TCERG1L: variants seen among roughly 807,000 people sequenced by gnomAD.
The protein encoded by TCERG1L is transcription elongation regulator 1-like protein.
Under a neutral mutation model 56.3 loss-of-function variants are expected in TCERG1L, and 37 were observed. That is an observed-to-expected ratio of 0.66 (90% CI 0.51 to 0.87). The LOEUF is 0.87. Ranked by LOEUF, TCERG1L falls within the 40% of genes least tolerant of loss-of-function variation. The pLI is 0.00. For missense variants in TCERG1L, 799 were observed against 774.2 expected (o/e 1.03, Z -0.38); for synonymous variants, 324 against 326.3 (o/e 0.99, Z 0.08).
At chr10:131,290,390 A>AG (rs1293110380) in intron 3 of TCERG1L, among the ~76,000 whole-genome samples, 3 of 152,068 alleles carry the variant, frequency 2.0e-5, no homozygotes, top group Non-Finnish European at 2.9e-5. Flanking sequence ...CCAGCACTTT[A>AG]GGAGGCTGAG....
At chr10:131,157,044 T>A (rs993306156) in intron 6 of TCERG1L, among the ~76,000 whole-genome samples, 2 of 152,246 alleles carry the variant, frequency 1.3e-5, no homozygotes, top group East Asian at 1.9e-4. Context: ...CCCTGGCTTC[T>A]GGGCTAGGCA....
intron 4 of TCERG1L, among the ~76,000 whole-genome samples, chr10:131,229,452 A>G (rs1845826564): frequency 6.6e-6 from 1 of 152,234 alleles, no homozygotes; most frequent in Non-Finnish European, 1.5e-5. Context: ...GCCCACATAT[A>G]GGTCTCCGAA....
intron 8 of TCERG1L, among the ~76,000 whole-genome samples, chr10:131,130,373 C>T (rs1447585502): frequency 3.3e-5 from 5 of 152,182 alleles, no homozygotes; most frequent in Non-Finnish European, 5.9e-5. Flanking sequence ...GGTGGGGACA[C>T]AGCCAAACCA....
At chr10:131,105,291 T>C (rs1392992096) in intron 9 of TCERG1L, among the ~76,000 whole-genome samples, 1 of 152,202 alleles carries the variant, frequency 6.6e-6, no homozygotes, top group Non-Finnish European at 1.5e-5. Context: ...GTGGCCGTGG[T>C]CGGCTGGCTG....
intron 7 of TCERG1L, among the ~76,000 whole-genome samples, chr10:131,138,621 A>T (rs138705528): frequency 5.3e-4 from 81 of 152,358 alleles, no homozygotes; most frequent in African/African-American, 1.8e-3. Flanking sequence ...TGTAAAAATT[A>T]ATGCAAACGG....
intron 7 of TCERG1L, among the ~76,000 whole-genome samples, chr10:131,138,700 T>C (rs2133408096): frequency 6.6e-6 from 1 of 152,366 alleles, no homozygotes; most frequent in Admixed American, 6.5e-5. Flanking sequence ...GTTGTGACAC[T>C]GCTTCATCAT....
At chr10:131,180,958 C>A (rs61864072) in intron 4 of TCERG1L, among the ~76,000 whole-genome samples, 69,468 of 151,558 alleles carry the variant, frequency 0.46, 18,951 homozygotes, top group South Asian at 0.69. Flanking sequence ...GAAGGGAAGT[C>A]GCATCCCTGG....
chr10:131,134,931 C>T (rs1341152071), intron 7 of TCERG1L, among the ~76,000 whole-genome samples: 1 of 152,222 alleles, frequency 6.6e-6, no homozygotes, highest in Non-Finnish European at 1.5e-5. Flanking sequence ...CCCTACCCCA[C>T]ATGTGGCCAT....
At chr10:131,121,627 C>T (rs1845513846) in intron 8 of TCERG1L, among the ~76,000 whole-genome samples, 1 of 152,254 alleles carries the variant, frequency 6.6e-6, no homozygotes, top group South Asian at 2.1e-4. Context: ...GCTCTCCCAG[C>T]TGCAGCCCTG....
At position 131,265,226 on chromosome 10, in the gene TCERG1L, T is replaced by C. The variant is rs144209451; in HGVS notation, c.671-4782A>G. ...ATGTGTTTACCACCATGTGATTTTG[T>C]TGCAAAAAATCATGGGTCAACTAAA... On this transcript the variant is annotated intron_variant, in intron 3 of 11. Transcript: ENST00000368642. 9.9e-5 allele frequency among the ~76,000 whole-genome samples: 15 copies of C among 152,252 alleles called. 1 individual carries two copies. Among genetic ancestry groups the C allele is most frequent in the African/African-American group, 3.6e-4 (15 of 41,554 alleles).
chr10:131,186,086 T>G (rs1335882687), intron 4 of TCERG1L, among the ~76,000 whole-genome samples: 1 of 152,190 alleles, frequency 6.6e-6, no homozygotes, highest in Non-Finnish European at 1.5e-5. Flanking sequence ...GACATTATCT[T>G]AAGTTAGAAA....
chr10:131,200,557 T>C (rs1845420457), intron 4 of TCERG1L, among the ~76,000 whole-genome samples: 1 of 152,236 alleles, frequency 6.6e-6, no homozygotes. Context: ...TCCACCATTG[T>C]ATTTTGGAAT....
chr10:131,138,661 G>T (rs914008518), intron 7 of TCERG1L, among the ~76,000 whole-genome samples: 1 of 152,192 alleles, frequency 6.6e-6, no homozygotes, highest in East Asian at 1.9e-4. Context: ...AAGTATAAGG[G>T]TTGTTGAAGA....
At chr10:131,109,678 G>C (rs1845391623) in intron 9 of TCERG1L, among the ~76,000 whole-genome samples, 1 of 152,170 alleles carries the variant, frequency 6.6e-6, no homozygotes, top group Admixed American at 6.5e-5. Flanking sequence ...ACGAGAGTGG[G>C]AACTGGAGGT....
chr10:131,226,999 G>A (rs543629590), intron 4 of TCERG1L, among the ~76,000 whole-genome samples: 1 of 152,372 alleles, frequency 6.6e-6, no homozygotes, highest in South Asian at 2.1e-4. Flanking sequence ...GCTCTGGGCA[G>A]GGAGGCGGCC....
chr10:131,310,549 A>G (rs1304692751), intron 1 of TCERG1L, among the ~76,000 whole-genome samples: 1 of 152,266 alleles, frequency 6.6e-6, no homozygotes, highest in African/African-American at 2.4e-5. Flanking sequence ...ATGCATCTGC[A>G]TAGTTAGCTG....
At chr10:131,165,322 G>C (rs948576498) in intron 5 of TCERG1L, among the ~76,000 whole-genome samples, 21 of 152,276 alleles carry the variant, frequency 1.4e-4, no homozygotes, top group Non-Finnish European at 2.4e-4. Context: ...GCATCTTCTC[G>C]AACATCATGC....
rs568074782 is a variant in TCERG1L at position 131,293,993 on chromosome 10, C to T, written c.670+14218G>A. Among the ~76,000 whole-genome samples, 81 of 152,270 alleles carry T rather than the reference C, an allele frequency of 5.3e-4. 1 individual carries two copies. The highest frequency in any genetic ancestry group is 1.9e-3 in the African/African-American group (79 of 41,548). On this transcript the variant is annotated intron_variant, in intron 3 of 11. Coordinates refer to ENST00000368642, the MANE Select transcript of TCERG1L (RefSeq NM_174937.4). ...GCTGTAGGTAAGGCCCAGGCAATTG[C>T]TCTCTGTAATTTCCTGAGTGTACTT...
chr10:131,277,618 G>A (rs930062989), intron 3 of TCERG1L, among the ~76,000 whole-genome samples: 3 of 152,224 alleles, frequency 2.0e-5, no homozygotes, highest in Non-Finnish European at 2.9e-5. Context: ...GTTCTCGTCT[G>A]GGGAGCAGAC....
Sources: gnomAD v4.1 joint callset for allele counts (sites outside exome capture counted in the v4.1 genomes callset) on GRCh38, gnomAD v4.1.1 for gene constraint, MANE v1.5 for transcripts, NCBI Gene and HGNC (gene_info 2026-07-23, HGNC 2026-07-21) for gene names.